The following WDR7 variants were observed in gnomAD, a reference collection of about 807,000 sequenced individuals.
WDR7 encodes WD repeat-containing protein 7.
WDR7 carries 46 observed loss-of-function variants against 169.4 expected under a neutral mutation model. The ratio of observed to expected loss-of-function variants is 0.27; its 90% CI spans 0.21 to 0.35. The LOEUF (loss-of-function observed/expected upper bound fraction) is 0.35, where lower values mean the gene tolerates loss of function less well. WDR7 is among the 10% of genes least tolerant of loss of function. WDR7 has a pLI of 1.00. For missense variants in WDR7, 1,534 were observed against 1,859.3 expected (o/e 0.83, Z 3.22); for synonymous variants, 612 against 666.8 (o/e 0.92, Z 1.27).
At chr18:56,804,009 G>A (rs2044723365) in intron 19 of WDR7, among the ~76,000 whole-genome samples, 2 of 152,156 alleles carry the variant, frequency 1.3e-5, no homozygotes, top group Admixed American at 1.3e-4. Context: ...AGTTGCTCAG[G>A]CAGGACTCGA....
intron 19 of WDR7, among the ~76,000 whole-genome samples, chr18:56,811,134 T>C (rs940158367): frequency 1.3e-5 from 2 of 152,234 alleles, no homozygotes; most frequent in Admixed American, 1.3e-4. Flanking sequence ...TTCTTTGTAT[T>C]GCTATATAAT....
chr18:56,827,357 C>G (rs1347845417), intron 20 of WDR7, among the ~76,000 whole-genome samples: 1 of 152,116 alleles, frequency 6.6e-6, no homozygotes, highest in African/African-American at 2.4e-5. Context: ...CAATGGAGTA[C>G]TATTCAGCCA....
At chr18:56,662,187 G>T (rs976678705) in intron 1 of WDR7, among the ~76,000 whole-genome samples, 1 of 152,158 alleles carries the variant, frequency 6.6e-6, no homozygotes. Context: ...AGTCACAGGG[G>T]GCCTGCCTGG....
chr18:56,915,569 ATTTTC>A (rs1283201646), intron 21 of WDR7, among the ~76,000 whole-genome samples: 2 of 152,040 alleles, frequency 1.3e-5, no homozygotes, highest in South Asian at 2.1e-4. Context: ...TTCATTGATG[ATTTTC>A]TTTTAAGTAT....
intron 1 of WDR7, among the ~76,000 whole-genome samples, chr18:56,665,026 G>C (rs1322395845): frequency 6.6e-6 from 1 of 152,180 alleles, no homozygotes; most frequent in African/African-American, 2.4e-5. Flanking sequence ...GGGCATGGTG[G>C]CTCATGGCTG....
At chr18:56,829,506 G>A (rs2045272202) in intron 20 of WDR7, among the ~76,000 whole-genome samples, 2 of 152,218 alleles carry the variant, frequency 1.3e-5, no homozygotes, top group South Asian at 4.2e-4. Flanking sequence ...ATTTTCCAGG[G>A]TAGGCTTGAT....
chr18:56,710,028 G>T (rs1357289450), intron 12 of WDR7, among the ~76,000 whole-genome samples: 2 of 136,450 alleles, frequency 1.5e-5, no homozygotes, highest in Non-Finnish European at 3.1e-5. Flanking sequence ...TTTTGTGATG[G>T]AGTCTCGCTC....
rs554793246 is a variant in WDR7, at chr18:57,009,975, C to T, written c.4165-10770C>T. On this transcript the variant is annotated intron_variant, in intron 26 of 27. Transcript: ENST00000254442. Reference sequence around the variant, plus strand: ...ACGAAAATGCCAAGTCCCATCATGACGGACATTTACTTAGGAATGTGATTG... The same window carrying T: ...ACGAAAATGCCAAGTCCCATCATGATGGACATTTACTTAGGAATGTGATTG... 13 of 985,360 alleles carry T rather than the reference C, an allele frequency of 1.3e-5. No individual in the cohort carries two copies. In the South Asian group the frequency reaches 3.8e-4, roughly 28 times the overall value. The allele number at this position is 985,360 out of a possible 1,614,324, so 61.0% of individuals were successfully genotyped here. A position where few individuals can be genotyped will look rare whatever the true frequency, so the allele number is the denominator to read the frequency against.
At chr18:56,904,404 A>C (rs2046448736) in intron 21 of WDR7, among the ~76,000 whole-genome samples, 1 of 152,020 alleles carries the variant, frequency 6.6e-6, no homozygotes, top group Admixed American at 6.6e-5. Context: ...ATTTTTCAAA[A>C]CCTCAGCTAT....
chr18:56,756,302 A>T (rs1391324487), intron 14 of WDR7, among the ~76,000 whole-genome samples: 1 of 152,214 alleles, frequency 6.6e-6, no homozygotes, highest in Non-Finnish European at 1.5e-5. Context: ...TACTGTGAGT[A>T]AAGAGACTCC....
At chr18:56,909,967 A>G (rs1303359382) in intron 21 of WDR7, among the ~76,000 whole-genome samples, 2 of 152,166 alleles carry the variant, frequency 1.3e-5, no homozygotes, top group Non-Finnish European at 2.9e-5. Context: ...AAGATAGCAC[A>G]TATTGATTTA....
intron 16 of WDR7, among the ~76,000 whole-genome samples, chr18:56,772,341 TCAGTGAAGGATTA>T (rs1266875115): frequency 6.6e-6 from 1 of 152,136 alleles, no homozygotes. Flanking sequence ...GACATGGTCA[TCAGTGAAGGATTA>T]CAGTGAAGGA....
At chr18:56,759,158 T>G (rs2043944736) in intron 16 of WDR7, among the ~76,000 whole-genome samples, 1 of 152,202 alleles carries the variant, frequency 6.6e-6, no homozygotes, top group Non-Finnish European at 1.5e-5. Context: ...ATGAGCATAT[T>G]TCAGATAATT....
chr18:56,907,023 A>T (rs1391613701), intron 21 of WDR7, among the ~76,000 whole-genome samples: 1 of 152,186 alleles, frequency 6.6e-6, no homozygotes, highest in African/African-American at 2.4e-5. Flanking sequence ...TCTCAATACC[A>T]ACCAGGGTTA....
At chr18:56,897,721 G>A (rs1444045098) in intron 21 of WDR7, among the ~76,000 whole-genome samples, 2 of 151,904 alleles carry the variant, frequency 1.3e-5, no homozygotes, top group African/African-American at 4.8e-5. Flanking sequence ...ATTCAGTCTT[G>A]TAGTAAATAT....
chr18:56,857,125 A>G (rs1463136829), intron 20 of WDR7, among the ~76,000 whole-genome samples: 1 of 152,174 alleles, frequency 6.6e-6, no homozygotes. Context: ...TCAATATAAA[A>G]CATTCAGAGT....
At chr18:56,685,896 T>C (rs1296457192) in intron 5 of WDR7, 60 bp from the exon 6 acceptor site, 2 of 1,332,506 alleles carry the variant, frequency 1.5e-6, no homozygotes, top group Non-Finnish European at 2.1e-6. Flanking sequence ...CATCTTAATA[T>C]TTAGAAAAAG....
chr18:56,733,692 C>T (rs1253151750), intron 14 of WDR7, among the ~76,000 whole-genome samples: 3 of 152,072 alleles, frequency 2.0e-5, no homozygotes, highest in African/African-American at 7.2e-5. Context: ...TTTTTTCTCA[C>T]AGTAGAAGAT....
chr18:56,677,141 C>G (rs1260155202), intron 2 of WDR7, among the ~76,000 whole-genome samples: 2 of 152,152 alleles, frequency 1.3e-5, no homozygotes, highest in Non-Finnish European at 2.9e-5. Context: ...GAAGTACTCC[C>G]TTTTGCATTT....
Sources: gnomAD v4.1 joint callset for allele counts (sites outside exome capture counted in the v4.1 genomes callset) on GRCh38, gnomAD v4.1.1 for gene constraint, MANE v1.5 for transcripts, NCBI Gene and HGNC (gene_info 2026-07-23, HGNC 2026-07-21) for gene names.